Variants in FRY observed in about 807,000 individuals in gnomAD.
FRY encodes the protein FRY microtubule binding protein.
Under a neutral mutation model 348.4 loss-of-function variants are expected in FRY, and 128 were observed. The observed-to-expected ratio is 0.37, with a 90% CI of 0.32 to 0.43. FRY has a LOEUF of 0.43. Ranked by LOEUF, FRY falls within the 20% of genes least tolerant of loss-of-function variation. The probability of loss-of-function intolerance (pLI) is 1.00; values close to 1 mark genes in which losing one functional copy is unlikely to be tolerated. For missense variants in FRY, 2,736 were observed against 3,695.2 expected (o/e 0.74, Z 6.73); for synonymous variants, 1,370 against 1,374.7 (o/e 1.00, Z 0.08).
intron 11 of FRY, among the ~76,000 whole-genome samples, chr13:32,138,114 G>T (rs1350426304): frequency 6.6e-6 from 1 of 151,278 alleles, no homozygotes; most frequent in Non-Finnish European, 1.5e-5. Context: ...CCACTTTCAG[G>T]TTTGTTTTTT....
chr13:32,212,541 A>G (rs908948568), intron 35 of FRY, among the ~76,000 whole-genome samples, 159 bp downstream of exon 35: 1 of 152,232 alleles, frequency 6.6e-6, no homozygotes, highest in Non-Finnish European at 1.5e-5. Context: ...TCTACTCAGT[A>G]TATCCCTAAA....
At chr13:32,199,263 G>A (rs572661673) in intron 29 of FRY, among the ~76,000 whole-genome samples, 23 of 152,300 alleles carry the variant, frequency 1.5e-4, no homozygotes, top group Non-Finnish European at 2.6e-4. Context: ...TTCAGCTGGA[G>A]GATTGAGTGC....
chr13:32,101,903 C>T, intron 2 of FRY, 60 bp from the exon 3 acceptor site: 1 of 977,982 alleles, frequency 1.0e-6, no homozygotes, highest in Admixed American at 1.7e-5. Flanking sequence ...AATGGCATTT[C>T]TTTTATACTA....
rs976010238 is a variant in FRY at position 32,212,392 on chromosome 13, C to T, written c.4682+10C>T. On this transcript the variant is annotated intron_variant, in intron 35 of 60. Transcript: ENST00000542859. The stretch of plus-strand genomic sequence containing the variant: ...AAGAATCTGATGAAAGGTTGGTACA[C>T]AAATTTGACTTAATATCCAGTGTAA... The T allele has an allele frequency of 3.3e-6, 5 of 1,514,664 alleles. No homozygotes were observed. In the African/African-American group the frequency reaches 5.5e-5, roughly 17 times the overall value. The allele number at this position is 1,514,664 out of a possible 1,614,324, so 93.8% of individuals were successfully genotyped here.
intron 2 of FRY, among the ~76,000 whole-genome samples, chr13:32,095,503 G>A (rs1876638206): frequency 1.3e-5 from 2 of 151,842 alleles, no homozygotes; most frequent in South Asian, 4.1e-4. Flanking sequence ...TGCGCCCCCA[G>A]CCCAGCTAAT....
chr13:32,149,170 A>G (rs1276143452), intron 13 of FRY, among the ~76,000 whole-genome samples: 1 of 148,986 alleles, frequency 6.7e-6, no homozygotes, highest in African/African-American at 2.4e-5. Flanking sequence ...TTAATTATAC[A>G]TATTAACTAT....
chr13:32,071,699 G>A (rs1170385041), intron 1 of FRY, among the ~76,000 whole-genome samples: 4 of 152,076 alleles, frequency 2.6e-5, no homozygotes, highest in African/African-American at 9.7e-5. Context: ...GAATCCAAAC[G>A]TAGAATGGTG....
intron 55 of FRY, among the ~76,000 whole-genome samples, chr13:32,270,325 A>G (rs1203039150): frequency 6.6e-6 from 1 of 151,284 alleles, no homozygotes; most frequent in Non-Finnish European, 1.5e-5. Flanking sequence ...CTCCTGCCGC[A>G]GCCTCCCGAG....
intron 17 of FRY, 144 bp from the exon 18 acceptor site, chr13:32,170,868 A>T: frequency 1.5e-6 from 1 of 678,732 alleles, no homozygotes; most frequent in Non-Finnish European, 2.6e-6. Flanking sequence ...TATTTATGTA[A>T]GTCATTTACT....
Position 32,046,356 on chromosome 13 carries a change from A to G in FRY, c.70+14491A>G, listed in dbSNP as rs117672552. Among the ~76,000 whole-genome samples the G allele has an allele frequency of 4.3e-3, 648 of 152,320 alleles. 1 individual carries two copies. Among genetic ancestry groups the G allele is most frequent in the Non-Finnish European group, 7.0e-3 (477 of 68,030 alleles). ...CGCAAGAGACAGAAGGTTAGAATCT[A>G]TCTTCTTTGTGGACAGTGCTAAGTT... On this transcript the variant is annotated intron_variant, in intron 1 of 60. Coordinates refer to ENST00000542859, the MANE Select transcript of FRY (RefSeq NM_023037.3).
At chr13:32,138,905 C>G (rs1315314142) in intron 11 of FRY, among the ~76,000 whole-genome samples, 1 of 152,110 alleles carries the variant, frequency 6.6e-6, no homozygotes, top group Non-Finnish European at 1.5e-5. Flanking sequence ...AAGGTAGGAG[C>G]AGGGAGATAC....
Position 32,178,166 on chromosome 13 carries a change from T to C in FRY, c.2422-11T>C, listed in dbSNP as rs367544640. ...CGGGTTTAACTTACAACCTACCTCTTATACCTACAGGCAACATTACCACTC... is the reference window on the plus strand; with the variant it reads ...CGGGTTTAACTTACAACCTACCTCTCATACCTACAGGCAACATTACCACTC... On this transcript the variant is annotated splice_polypyrimidine_tract_variant and intron_variant, in intron 20 of 60. Coordinates refer to ENST00000542859, the MANE Select transcript of FRY (RefSeq NM_023037.3). 3.2e-5 allele frequency: 51 copies of C among 1,614,036 alleles called. No homozygotes were observed. The highest frequency in any genetic ancestry group is 4.1e-5 in the Non-Finnish European group (48 of 1,179,980).
Position 32,102,961 on chromosome 13 carries a change from G to A in FRY, c.324+945G>A, listed in dbSNP as rs188779228. Among the ~76,000 whole-genome samples the A allele has an allele frequency of 3.1e-3, 466 of 152,250 alleles. 1 individual carries two copies. Among genetic ancestry groups the A allele is most frequent in the Non-Finnish European group, 3.6e-3 (247 of 68,014 alleles). On this transcript the variant is annotated intron_variant, in intron 3 of 60. Coordinates refer to ENST00000542859, the MANE Select transcript of FRY (RefSeq NM_023037.3). Reference sequence around the variant, plus strand: ...CCACACAGGGTGTACACTTTCTGTCGGGCTTTGAAACTGCCTTTAATATGA... The same window carrying A: ...CCACACAGGGTGTACACTTTCTGTCAGGCTTTGAAACTGCCTTTAATATGA...
chr13:32,231,392 C>T (rs1318365673), intron 41 of FRY, 92 bp downstream of exon 41: 3 of 1,260,992 alleles, frequency 2.4e-6, no homozygotes, highest in Non-Finnish European at 3.5e-6. Flanking sequence ...TTAAAACGGT[C>T]CTGCACTCCA....
At chr13:32,074,631 T>A (rs1306563371) in intron 1 of FRY, among the ~76,000 whole-genome samples, 1 of 152,174 alleles carries the variant, frequency 6.6e-6, no homozygotes, top group Non-Finnish European at 1.5e-5. Flanking sequence ...AGATGGTAAA[T>A]TTTGTCTACT....
intron 31 of FRY, among the ~76,000 whole-genome samples, chr13:32,205,508 G>T (rs1165010199): frequency 6.6e-6 from 1 of 152,228 alleles, no homozygotes; most frequent in Non-Finnish European, 1.5e-5. Context: ...TTATATAGAG[G>T]TCAGTTTAGG....
At chr13:32,145,063 A>G (rs1009369775) in intron 11 of FRY, among the ~76,000 whole-genome samples, 13 of 152,338 alleles carry the variant, frequency 8.5e-5, no homozygotes, top group Middle Eastern at 3.4e-3. Context: ...GGGTGGAAGG[A>G]CACTTCTATC....
At chr13:32,147,642 A>G (rs1283806614) in intron 12 of FRY, among the ~76,000 whole-genome samples, 197 bp from the exon 13 acceptor site, 1 of 152,236 alleles carries the variant, frequency 6.6e-6, no homozygotes, top group African/African-American at 2.4e-5. Context: ...AAGCAGCTGT[A>G]ATTTTCCAAC....
chr13:32,225,809 G>A lies in FRY; in HGVS notation c.5041G>A (p.Glu1681Lys). The change falls in exon 39 of 61, where the codon GAA becomes AAA. Residue 1681 changes from glutamate (E) to lysine (K), a missense_variant. Physicochemically the swap from Glu to Lys is moderately conservative, Grantham distance 56 (BLOSUM62 1). This residue lies in a region of FRY where 794 missense variants were observed against 977.0 expected (regional missense o/e 0.81). Transcript: ENST00000542859. ...TCCAGGTTTAGACCACTACCGGCCTGAAGTCTTTGAACACAGCAAAAAACT... is the reference window on the plus strand; with the variant it reads ...TCCAGGTTTAGACCACTACCGGCCTAAAGTCTTTGAACACAGCAAAAAACT... Reference protein sequence around the residue: ...VFLGLDHYRPEVFEHSKKLLL... With the variant: ...VFLGLDHYRPKVFEHSKKLLL... 6.2e-7 allele frequency: 1 copy of A among 1,613,902 alleles called. No homozygotes were observed. The highest frequency in any genetic ancestry group is 8.5e-7 in the Non-Finnish European group (1 of 1,179,794).
Sources: gnomAD v4.1 joint callset for allele counts (sites outside exome capture counted in the v4.1 genomes callset) on GRCh38, gnomAD v4.1.1 for gene constraint, gnomAD v4.1.1 regional missense constraint, MANE v1.5 for transcripts, NCBI Gene and HGNC (gene_info 2026-07-23, HGNC 2026-07-21) for gene names.